The following IKZF4 variants were observed in gnomAD, a reference collection of about 807,000 sequenced individuals.
IKZF4 encodes the protein IKAROS family zinc finger 4.
IKZF4 carries 11 observed loss-of-function variants against 47.7 expected under a neutral mutation model. The ratio of observed to expected loss-of-function variants is 0.23; its 90% CI spans 0.15 to 0.38. IKZF4 has a LOEUF of 0.38. IKZF4 is among the 10% of genes least tolerant of loss of function. The probability of loss-of-function intolerance (pLI) is 1.00; values close to 1 mark genes in which losing one functional copy is unlikely to be tolerated. For missense variants in IKZF4, 557 were observed against 784.9 expected (o/e 0.71, Z 3.47); for synonymous variants, 298 against 299.4 (o/e 1.00, Z 0.05).
Position 56,037,979 on chromosome 12 carries a change from G to T in IKZF4, c.*2648G>T, listed in dbSNP as rs948211281. The T allele has an allele frequency of 6.6e-6, 1 of 151,314 alleles. No individual in the cohort carries two copies. Among genetic ancestry groups the T allele is most frequent in the Non-Finnish European group, 1.5e-5 (1 of 67,866 alleles). The allele number at this position is 151,314 out of a possible 1,614,324, so 9.4% of individuals were successfully genotyped here. A position where few individuals can be genotyped will look rare whatever the true frequency, so the allele number is the denominator to read the frequency against. On this transcript the variant is annotated 3_prime_UTR_variant, in exon 8 of 8. Transcript: ENST00000547167. ...TAAGTAGACACTTTTCCAGACCTTT[G>T]TTTTTTTGTGTCAGTGTCCAAGCTG...
At chr12:56,021,019 C>CCT, upstream of IKZF4, 1 of 1,049,986 alleles carries the variant, frequency 9.5e-7, no homozygotes, top group Non-Finnish European at 1.2e-6. Flanking sequence ...CAGGCCCATC[C>CCT]ATCTCTCTCT....
chr12:56,024,044 A>G (rs1481551849), intron 2 of IKZF4: 21 of 576,338 alleles, frequency 3.6e-5, no homozygotes. Flanking sequence ...TTTCACCTAT[A>G]TATTTGTGTA....
chr12:56,021,773 G>C (rs1565818098), intron 1 of IKZF4, 193 bp downstream of exon 1: 3 of 851,194 alleles, frequency 3.5e-6, no homozygotes, highest in Non-Finnish European at 5.3e-6. Flanking sequence ...GCGGAGGATG[G>C]GAAAGGGTGT....
chr12:56,012,023 A>T (rs1217958054), intron 2 of IKZF4, among the ~76,000 whole-genome samples: 1 of 152,104 alleles, frequency 6.6e-6, no homozygotes, highest in African/African-American at 2.4e-5. Context: ...TACTTGTAGC[A>T]CCTGAATGGC....
At chr12:56,034,180 C>T (rs1315250698) in intron 7 of IKZF4, among the ~76,000 whole-genome samples, 2 of 152,120 alleles carry the variant, frequency 1.3e-5, no homozygotes, top group Non-Finnish European at 2.9e-5. Context: ...GGATTACAGG[C>T]GTGAGCCACC....
At chr12:56,021,020 ATC>A (rs144352403), upstream of IKZF4, 11,350 of 684,158 alleles carry the variant, frequency 0.017, no homozygotes, top group Non-Finnish European at 0.018. Flanking sequence ...AGGCCCATCC[ATC>A]TCTCTCTCTC....
upstream of IKZF4, among the ~76,000 whole-genome samples, chr12:56,016,424 CT>C (rs1316176573): frequency 1.3e-3 from 169 of 132,848 alleles, no homozygotes; most frequent in African/African-American, 1.3e-3. Context: ...TTTTTCTTTT[CT>C]TTTTTTTTTT....
chr12:56,035,562 A>C lies in IKZF4; in HGVS notation c.*231A>C. On this transcript the variant is annotated 3_prime_UTR_variant, in exon 8 of 8. Coordinates refer to ENST00000547167, the MANE Select transcript of IKZF4 (RefSeq NM_022465.4). The surrounding 1 kb of genome is among the most constrained non-coding windows in gnomAD (Gnocchi z 6.1). The stretch of plus-strand genomic sequence containing the variant: ...ATGTTTTTCCTTTTTATCTTCTCTC[A>C]TCCCAGCATACTGAGTTATTTATTA... 2.2e-6 allele frequency: 1 copy of C among 451,902 alleles called. No homozygotes were observed. Among genetic ancestry groups the C allele is most frequent in the Non-Finnish European group, 3.9e-6 (1 of 256,900 alleles). 28.0% of individuals were successfully genotyped at this position (451,902 alleles called of 1,614,324 possible). A position where few individuals can be genotyped will look rare whatever the true frequency, so the allele number is the denominator to read the frequency against.
In IKZF4 at chr12:56,008,040, G is replaced by A. The variant is rs931138946; in HGVS notation, c.-292+306G>A. On this transcript the variant is annotated intron_variant, in intron 1 of 11. Coordinates refer to the IKZF4 transcript ENST00000262032. ...TGCCAGGCGCGGGGCTCCTCCGTGGGGATGTGGCTTGGGTATACAGCAGAA... is the reference window on the plus strand; with the variant it reads ...TGCCAGGCGCGGGGCTCCTCCGTGGAGATGTGGCTTGGGTATACAGCAGAA... 3.9e-5 allele frequency among the ~76,000 whole-genome samples: 6 copies of A among 152,194 alleles called. No homozygotes were observed. The East Asian group carries it at 9.6e-4, about 24-fold the overall frequency.
upstream of IKZF4, among the ~76,000 whole-genome samples, chr12:56,016,167 TG>T (rs899534629): frequency 7.3e-4 from 48 of 65,468 alleles, no homozygotes; most frequent in African/African-American, 2.8e-3. Context: ...TGGGTGGGGG[TG>T]GGGGGGCAGG....
Position 56,021,493 on chromosome 12 carries a change from C to T in IKZF4, c.-1C>T, listed in dbSNP as rs1423112232. ...CCCCTGCCTGCCACTGAGACGCAGA[C>T]ATGCATACACCACCCGCACTCCCTC... On this transcript the variant is annotated 5_prime_UTR_variant, in exon 1 of 8. Transcript: ENST00000547167. 1 of 1,600,982 alleles carries T rather than the reference C, an allele frequency of 6.2e-7. No individual in the cohort carries two copies. Among genetic ancestry groups the T allele is most frequent in the Admixed American group, 1.7e-5 (1 of 58,326 alleles).
At chr12:56,033,818 AGAGTG>A (rs997439190) in intron 7 of IKZF4, among the ~76,000 whole-genome samples, 27 of 152,256 alleles carry the variant, frequency 1.8e-4, no homozygotes, top group African/African-American at 6.0e-4. Flanking sequence ...GTACTCAAAG[AGAGTG>A]GAGAAGGGTT....
chr12:56,021,523 T>A lies in IKZF4; in HGVS notation c.30T>A (p.Arg10=). 6.2e-7 allele frequency: 1 copy of A among 1,608,114 alleles called. No individual in the cohort carries two copies. Among genetic ancestry groups the A allele is most frequent in the Non-Finnish European group, 8.5e-7 (1 of 1,177,882 alleles). The change falls in exon 1 of 8, where the codon CGT becomes CGA. Residue 10 remains arginine, a synonymous_variant. Coordinates refer to ENST00000547167, the MANE Select transcript of IKZF4 (RefSeq NM_022465.4). MHTPPALPR[R]FQGGGRVRTP... ...ATACACCACCCGCACTCCCTCGCCG[T>A]TTCCAAGGCGGCGGCCGCGTTCGCA... is the stretch of plus-strand genomic sequence containing the variant.
intron 2 of IKZF4, among the ~76,000 whole-genome samples, chr12:56,015,126 G>T (rs1891853558): frequency 6.6e-6 from 1 of 152,144 alleles, no homozygotes; most frequent in African/African-American, 2.4e-5. Context: ...GCCCAGGCTG[G>T]AGTGCAATGG....
intron 5 of IKZF4, among the ~76,000 whole-genome samples, chr12:56,032,100 C>A (rs113705005): frequency 1.1e-4 from 17 of 152,236 alleles, no homozygotes; most frequent in African/African-American, 4.1e-4. Flanking sequence ...TCCCCCAAAC[C>A]AAAGCAGATA....
At chr12:56,033,442 T>C in intron 7 of IKZF4, 121 bp downstream of exon 7, 1 of 1,259,882 alleles carries the variant, frequency 7.9e-7, no homozygotes, top group Non-Finnish European at 1.1e-6. Context: ...GTGCAGTGGC[T>C]CACGTCTGTA....
At chr12:56,028,336 CA>C (rs1894360644) in intron 5 of IKZF4, among the ~76,000 whole-genome samples, 1 of 144,892 alleles carries the variant, frequency 6.9e-6, no homozygotes, top group Non-Finnish European at 1.5e-5. Context: ...CCATCCTGGC[CA>C]AAATGGTGAA....
chr12:56,034,979 G>C lies in IKZF4; in HGVS notation c.1406G>C (p.Gly469Ala). Reference sequence around the variant, plus strand: ...AGCAACCACGAAGATCGGGTTGCGGGGGTGGTATCCCTCCCTCAGGGTCCC... The same window carrying C: ...AGCAACCACGAAGATCGGGTTGCGGCGGTGGTATCCCTCCCTCAGGGTCCC... ...TESNHEDRVA[G>A]VVSLPQGPPP... Residue 469 changes from glycine to alanine, a missense_variant, in exon 8 of 8, where the codon GGG (glycine) becomes GCG (alanine). Transcript: ENST00000547167. 6.4e-7 allele frequency: 1 copy of C among 1,561,444 alleles called. No homozygotes were observed. The highest frequency in any genetic ancestry group is 1.2e-5 in the South Asian group (1 of 82,578).
Position 56,037,352 on chromosome 12 carries a change from T to A in IKZF4, c.*2021T>A, listed in dbSNP as rs189951075. 3.3e-5 allele frequency: 5 copies of A among 152,716 alleles called. No individual in the cohort carries two copies. The highest frequency in any genetic ancestry group is 3.3e-4 in the Admixed American group (5 of 15,300). 9.5% of individuals were successfully genotyped at this position (152,716 alleles called of 1,614,324 possible). ...GGGAGGTTAGCTCAGAGCAGAGTAG[T>A]CTCTAGAGAAAGGAAGAATCCTCAA... On this transcript the variant is annotated 3_prime_UTR_variant, in exon 8 of 8. Coordinates refer to ENST00000547167, the MANE Select transcript of IKZF4 (RefSeq NM_022465.4).
Sources: allele counts gnomAD v4.1 joint callset (sites outside exome capture counted in the v4.1 genomes callset), GRCh38; gene constraint gnomAD v4.1.1; non-coding constraint Gnocchi (gnomAD v3.1); transcripts MANE v1.5; gene names NCBI Gene and HGNC (gene_info 2026-07-23, HGNC 2026-07-21).